LRRK2: variants seen among roughly 807,000 people sequenced by gnomAD.
The protein encoded by LRRK2 is leucine-rich repeat serine/threonine-protein kinase 2.
A neutral mutation model predicts 302.6 loss-of-function variants in LRRK2; 203 were observed. The ratio of observed to expected loss-of-function variants is 0.67; its 90% CI spans 0.60 to 0.75. The LOEUF (loss-of-function observed/expected upper bound fraction) is 0.75. Ranked by LOEUF, LRRK2 falls within the 30% of genes least tolerant of loss-of-function variation. The pLI, the probability that LRRK2 is intolerant of heterozygous loss-of-function variation, is 0.00. For missense variants in LRRK2, 2,830 were observed against 2,951.0 expected (o/e 0.96, Z 0.95); for synonymous variants, 1,066 against 1,031.9 (o/e 1.03, Z -0.63).
chr12:40,311,334 T>C (rs1231056732), intron 31 of LRRK2, among the ~76,000 whole-genome samples: 2 of 125,848 alleles, frequency 1.6e-5, no homozygotes, highest in Non-Finnish European at 3.3e-5. Flanking sequence ...AAATCAGTTA[T>C]CAGAGAGAAC....
Position 40,335,017 on chromosome 12 carries a change from G to A in LRRK2, c.5808G>A (p.Leu1936=), listed in dbSNP as rs1945826275. The change falls in exon 40 of 51, where the codon CTG becomes CTA. Residue 1936 remains leucine, a synonymous_variant. Coordinates refer to ENST00000298910, the MANE Select transcript of LRRK2 (RefSeq NM_198578.4). ...HLHHPSLISL[L]AAGIRPRMLV... The stretch of plus-strand genomic sequence containing the variant: ...ACCACCCCAGTTTGATATCTTTGCT[G>A]GCAGCTGGGATTCGTCCCCGGATGT... 6.2e-7 allele frequency: 1 copy of A among 1,613,966 alleles called. No individual in the cohort carries two copies. Among genetic ancestry groups the A allele is most frequent in the African/African-American group, 1.3e-5 (1 of 74,898 alleles).
Position 40,274,957 on chromosome 12 carries a change from A to G in LRRK2, c.1905A>G (p.Leu635=), listed in dbSNP as rs200024343. 1.9e-6 allele frequency: 3 copies of G among 1,614,018 alleles called. No homozygotes were observed. The highest frequency in any genetic ancestry group is 4.5e-5 in the East Asian group (2 of 44,838). ...TGGCAAAAATTCTGGTTTCCAGCTTATACCGATTTAAGGATGTTGCTGAAA... is the reference window on the plus strand; with the variant it reads ...TGGCAAAAATTCTGGTTTCCAGCTTGTACCGATTTAAGGATGTTGCTGAAA... ...HLLAKILVSS[L]YRFKDVAEIQ... The change falls in exon 16 of 51, where the codon TTA becomes TTG. Residue 635 remains leucine, a synonymous_variant. Transcript: ENST00000298910.
intron 7 of LRRK2, among the ~76,000 whole-genome samples, chr12:40,245,508 A>C (rs1436254634): frequency 6.6e-6 from 1 of 152,048 alleles, no homozygotes; most frequent in East Asian, 1.9e-4. Flanking sequence ...ATTCTTTTTT[A>C]GGCACAGCTT....
In LRRK2 at chr12:40,263,890, G is replaced by A; in HGVS notation, c.1645G>A (p.Ala549Thr). 1 of 1,605,508 alleles carries A rather than the reference G, an allele frequency of 6.2e-7. No homozygotes were observed. The highest frequency in any genetic ancestry group is 8.5e-7 in the Non-Finnish European group (1 of 1,172,602). The stretch of plus-strand genomic sequence containing the variant: ...TGATATTCACAAACTGGTCCTAGCA[G>A]CTTTGAACAGGGTATGTTGAATATA... Reference protein sequence around the residue: ...KNDIHKLVLAALNRFIGNPGI... With the variant: ...KNDIHKLVLATLNRFIGNPGI... The change falls in exon 14 of 51, where the codon GCT becomes ACT. Residue 549 changes from alanine (A) to threonine (T), a missense_variant. By Grantham distance (58) the Ala-to-Thr change is moderately conservative. Around this residue, in one of 3 missense-constraint regions of LRRK2, gnomAD observed 2,121 missense variants for 2,148.0 expected, o/e 0.99. Transcript: ENST00000298910.
At chr12:40,268,654 G>A (rs917772403) in intron 14 of LRRK2, among the ~76,000 whole-genome samples, 4 of 152,020 alleles carry the variant, frequency 2.6e-5, no homozygotes, top group Non-Finnish European at 5.9e-5. Context: ...TGTAAAATTT[G>A]TATGAAAAAA....
intron 5 of LRRK2, among the ~76,000 whole-genome samples, chr12:40,240,146 T>A (rs1173870398): frequency 6.6e-6 from 1 of 152,308 alleles, no homozygotes; most frequent in Non-Finnish European, 1.5e-5. Context: ...CAGTTCCAGT[T>A]GGCCATCTTT....
chr12:40,303,852 A>G, intron 26 of LRRK2, 96 bp from the exon 27 acceptor site: 1 of 1,202,284 alleles, frequency 8.3e-7, no homozygotes, highest in Non-Finnish European at 1.2e-6. Flanking sequence ...TTGACGTTAC[A>G]CTTTATTCTC....
chr12:40,290,044 T>C (rs757811616), intron 20 of LRRK2, among the ~76,000 whole-genome samples: 8 of 151,988 alleles, frequency 5.3e-5, no homozygotes, highest in African/African-American at 2.4e-5. Context: ...CTCTAATCAC[T>C]AATTATGACA....
chr12:40,360,516 C>T (rs545302248), intron 47 of LRRK2, among the ~76,000 whole-genome samples: 32 of 152,120 alleles, frequency 2.1e-4, no homozygotes, highest in African/African-American at 7.7e-4. Context: ...TATCTGTGGC[C>T]ACATTAACAA....
chr12:40,230,822 T>C (rs1010507301), intron 2 of LRRK2, among the ~76,000 whole-genome samples: 3 of 152,158 alleles, frequency 2.0e-5, no homozygotes, highest in African/African-American at 7.2e-5. Context: ...AATTTTTTTT[T>C]CAGAGGTAAA....
In LRRK2 at chr12:40,299,135, C is replaced by T; in HGVS notation, c.3374C>T (p.Pro1125Leu). The T allele has an allele frequency of 1.9e-6, 3 of 1,612,970 alleles. No individual in the cohort carries two copies. The highest frequency in any genetic ancestry group is 1.1e-5 in the South Asian group (1 of 91,048). ...EGNKISGICS[P>L]LRLKELKILN... ...AATAAAATATCAGGGATATGCTCCC[C>T]CTTGAGACTGAAGGAACTGAAGATT... Residue 1125 changes from proline (P) to leucine (L), a missense_variant, in exon 25 of 51, where the codon CCC becomes CTC. Transcript: ENST00000298910.
At chr12:40,257,404 G>A in intron 12 of LRRK2, 27 bp downstream of exon 12, 1 of 1,603,814 alleles carries the variant, frequency 6.2e-7, no homozygotes. Context: ...AACTTGTACA[G>A]AATATATCAT....
intron 16 of LRRK2, among the ~76,000 whole-genome samples, chr12:40,276,373 T>A (rs1943453080): frequency 6.6e-6 from 1 of 151,918 alleles, no homozygotes; most frequent in South Asian, 2.1e-4. Context: ...TCAGCTCACA[T>A]CACCCTCCGC....
At chr12:40,348,989 G>A (rs1946275835) in intron 43 of LRRK2, among the ~76,000 whole-genome samples, 1 of 151,874 alleles carries the variant, frequency 6.6e-6, no homozygotes, top group African/African-American at 2.4e-5. Flanking sequence ...ATTTGGTCCT[G>A]TTGTAGAGCC....
intron 13 of LRRK2, among the ~76,000 whole-genome samples, chr12:40,262,645 G>A (rs964367126): frequency 1.3e-5 from 2 of 152,170 alleles, no homozygotes; most frequent in African/African-American, 2.4e-5. Context: ...TGAATAGTAG[G>A]ACCTCAAGTG....
At chr12:40,278,045 T>C in intron 17 of LRRK2, 29 bp downstream of exon 17, 1 of 1,613,862 alleles carries the variant, frequency 6.2e-7, no homozygotes, top group South Asian at 1.1e-5. Flanking sequence ...GCATCCTAAA[T>C]GTTATGTATT....
chr12:40,266,913 C>T (rs1943041493), intron 14 of LRRK2, among the ~76,000 whole-genome samples: 1 of 145,344 alleles, frequency 6.9e-6, no homozygotes, highest in South Asian at 2.1e-4. Flanking sequence ...CATATGTTCT[C>T]ACTCATAAGT....
Position 40,287,435 on chromosome 12 carries a change from G to A in LRRK2, c.2585G>A (p.Gly862Glu). The change falls in exon 20 of 51, where the codon GGA becomes GAA. Residue 862 changes from glycine (G) to glutamate (E), a missense_variant. Coordinates refer to ENST00000298910, the MANE Select transcript of LRRK2 (RefSeq NM_198578.4). ...GAAGGAACAGCCTCAGGCAGCGATG[G>A]AAATTTTTCTGAAGATGTGCTGTCT... ...VEEGTASGSDGNFSEDVLSKF... is the reference protein window; with the variant it reads ...VEEGTASGSDENFSEDVLSKF... 1 of 1,612,750 alleles carries A rather than the reference G, an allele frequency of 6.2e-7. No homozygotes were observed. The highest frequency in any genetic ancestry group is 1.1e-5 in the South Asian group (1 of 91,060).
At chr12:40,273,429 G>A (rs929874844) in intron 14 of LRRK2, among the ~76,000 whole-genome samples, 3 of 152,142 alleles carry the variant, frequency 2.0e-5, no homozygotes, top group African/African-American at 7.2e-5. Context: ...CACAGGGTGA[G>A]AAACTGATGC....
Sources: gnomAD v4.1 joint callset for allele counts (sites outside exome capture counted in the v4.1 genomes callset) on GRCh38, gnomAD v4.1.1 for gene constraint, gnomAD v4.1.1 regional missense constraint, MANE v1.5 for transcripts, NCBI Gene and HGNC (gene_info 2026-07-23, HGNC 2026-07-21) for gene names.